TRPC5: variants seen among roughly 807,000 people sequenced by gnomAD.
TRPC5 encodes the protein transient receptor potential cation channel subfamily C member 5.
TRPC5 carries 9 observed loss-of-function variants against 56.5 expected under a neutral mutation model. The ratio of observed to expected loss-of-function variants is 0.16; its 90% CI spans 0.10 to 0.28. The LOEUF (loss-of-function observed/expected upper bound fraction) is 0.28, where lower values mean the gene tolerates loss of function less well. Ranked by LOEUF, TRPC5 falls within the 10% of genes least tolerant of loss-of-function variation. The probability of loss-of-function intolerance (pLI) is 1.00; values close to 1 mark genes in which losing one functional copy is unlikely to be tolerated. For synonymous variants in TRPC5, 282 were observed against 278.5 expected (o/e 1.01, Z -0.13); for missense variants, 469 against 748.9 (o/e 0.63, Z 4.36).
chrX:111,822,321 T>G (rs779271480), intron 7 of TRPC5, among the ~76,000 whole-genome samples: 38 of 112,023 alleles, frequency 3.4e-4, no homozygotes, highest in African/African-American at 1.2e-3. Context: ...GACCTATTCA[T>G]AGCTCAAAGC....
chrX:111,909,302 C>G (rs925238077), intron 3 of TRPC5, among the ~76,000 whole-genome samples: 1 of 107,278 alleles, frequency 9.3e-6, no homozygotes, highest in African/African-American at 3.4e-5. Context: ...GGCACTCCAG[C>G]CTGGGTGACA....
intron 7 of TRPC5, 75 bp from the exon 8 acceptor site, chrX:111,782,213 C>T: frequency 1.1e-6 from 1 of 922,017 alleles, no homozygotes; most frequent in Non-Finnish European, 1.5e-6. Context: ...TCTAAACTTT[C>T]TAGTTGCTTC....
chrX:111,885,746 T>G (rs1001066019), intron 3 of TRPC5, among the ~76,000 whole-genome samples: 3 of 111,062 alleles, frequency 2.7e-5, no homozygotes, highest in African/African-American at 9.8e-5. Flanking sequence ...GTATCAGAAG[T>G]GCAGTTTAAA....
At chrX:111,953,196 A>G (rs377379335) in intron 1 of TRPC5, among the ~76,000 whole-genome samples, 1 of 112,099 alleles carries the variant, frequency 8.9e-6, no homozygotes, top group Non-Finnish European at 1.9e-5. Context: ...GTGCCTGCTC[A>G]TGATTTTTTC....
At chrX:111,838,083 G>A (rs1053444374) in intron 6 of TRPC5, among the ~76,000 whole-genome samples, 5 of 107,260 alleles carry the variant, frequency 4.7e-5, no homozygotes, top group East Asian at 2.9e-4. Flanking sequence ...CTCTACATAT[G>A]AGTAAATAAA....
At chrX:111,930,396 C>T (rs1322333062) in intron 2 of TRPC5, among the ~76,000 whole-genome samples, 1 of 110,709 alleles carries the variant, frequency 9.0e-6, no homozygotes, top group Non-Finnish European at 1.9e-5. Context: ...ATGTAACAAA[C>T]TTGCACATTC....
Position 111,853,813 on chromosome X carries a change from A to G in TRPC5, c.1194T>C (p.Pro398=). ...IVRTDLHVQG[P]PPTVVEWMIL... The stretch of plus-strand genomic sequence containing the variant: ...TCATCCATTCCACGACAGTTGGGGG[A>G]GGCCCCTGTACATGAAGGTCTGTCC... Residue 398 remains proline, a synonymous_variant, in exon 4 of 11, where the codon CCT becomes CCC. Transcript: ENST00000262839. 4 of 1,211,671 alleles carry G rather than the reference A, an allele frequency of 3.3e-6. No individual in the cohort carries two copies. Among genetic ancestry groups the G allele is most frequent in the Non-Finnish European group, 4.5e-6 (4 of 895,489 alleles).
At chrX:112,046,219 A>C (rs866193645) in intron 1 of TRPC5, among the ~76,000 whole-genome samples, 2 of 43,442 alleles carry the variant, frequency 4.6e-5, no homozygotes, top group Non-Finnish European at 9.9e-5. Flanking sequence ...TTTTTGCTTT[A>C]TTTCTTTTAG....
At chrX:112,023,514 A>T (rs1203830888) in intron 1 of TRPC5, among the ~76,000 whole-genome samples, 3 of 109,314 alleles carry the variant, frequency 2.7e-5, no homozygotes, top group Non-Finnish European at 5.7e-5. Context: ...AAAAAGTATA[A>T]GAGGCTTCCT....
chrX:112,006,381 G>A (rs1462660269), intron 1 of TRPC5, among the ~76,000 whole-genome samples: 5 of 111,657 alleles, frequency 4.5e-5, no homozygotes, highest in Admixed American at 9.5e-5. Flanking sequence ...ACTAAGGGCC[G>A]GCCAGATACT....
chrX:111,888,692 T>TCA (rs1230757894), intron 3 of TRPC5, among the ~76,000 whole-genome samples: 2 of 22,911 alleles, frequency 8.7e-5, no homozygotes, highest in Admixed American at 1.4e-3. Context: ...AGACTCTATC[T>TCA]CAAAAAAAAA....
intron 7 of TRPC5, among the ~76,000 whole-genome samples, chrX:111,827,395 G>GC (rs1239741226): frequency 1.8e-5 from 2 of 110,904 alleles, no homozygotes; most frequent in Admixed American, 1.9e-4. Flanking sequence ...ACCACCCAAT[G>GC]CCTCTACCTG....
chrX:112,054,659 C>T (rs1027240582), intron 1 of TRPC5, among the ~76,000 whole-genome samples: 13 of 110,772 alleles, frequency 1.2e-4, no homozygotes, highest in African/African-American at 1.6e-4. Context: ...GAGGTGAAGA[C>T]CACAGCCAGA....
intron 7 of TRPC5, among the ~76,000 whole-genome samples, chrX:111,786,628 TAA>T (rs1412270467): frequency 9.1e-6 from 1 of 110,342 alleles, no homozygotes; most frequent in Admixed American, 9.7e-5. Context: ...GCAAATTGGA[TAA>T]AGAGTCAAGA....
chrX:112,016,931 G>A (rs973108546), intron 1 of TRPC5, among the ~76,000 whole-genome samples: 1 of 112,354 alleles, frequency 8.9e-6, no homozygotes, highest in Non-Finnish European at 1.9e-5. Flanking sequence ...GAGGTAATCC[G>A]TGTAAAGCAC....
intron 1 of TRPC5, among the ~76,000 whole-genome samples, chrX:112,061,325 AGT>A (rs1380268282): frequency 1.8e-5 from 2 of 111,928 alleles, no homozygotes; most frequent in African/African-American, 6.5e-5. Context: ...GTGGTGTACA[AGT>A]CCTGGGGGTA....
At chrX:112,054,757 ACCT>A (rs1930303349) in intron 1 of TRPC5, among the ~76,000 whole-genome samples, 1 of 110,924 alleles carries the variant, frequency 9.0e-6, no homozygotes, top group South Asian at 3.9e-4. Flanking sequence ...TCATACTGTC[ACCT>A]CCTCTTGAGA....
chrX:112,075,320 TGC>T (rs1930810460), intron 1 of TRPC5, among the ~76,000 whole-genome samples: 1 of 112,160 alleles, frequency 8.9e-6, no homozygotes, highest in Admixed American at 9.5e-5. Context: ...ACTCACAAGC[TGC>T]GCAATGTTAA....
At chrX:111,952,661 T>C (rs1927126161) in intron 1 of TRPC5, among the ~76,000 whole-genome samples, 1 of 111,200 alleles carries the variant, frequency 9.0e-6, no homozygotes, top group African/African-American at 3.3e-5. Context: ...ACCAGTTCTG[T>C]GGCCTTGAGT....
Sources: gnomAD v4.1 joint callset for allele counts (sites outside exome capture counted in the v4.1 genomes callset) on GRCh38, gnomAD v4.1.1 for gene constraint, MANE v1.5 for transcripts, NCBI Gene and HGNC (gene_info 2026-07-23, HGNC 2026-07-21) for gene names.